ME3: variants seen among roughly 807,000 people sequenced by gnomAD.
The protein encoded by ME3 is malic enzyme 3, also known as NADP-dependent malic enzyme, mitochondrial.
ME3 carries 48 observed loss-of-function variants against 68.9 expected under a neutral mutation model. The observed-to-expected ratio is 0.70, with a 90% CI of 0.55 to 0.89. ME3 has a LOEUF of 0.89. Ranked by LOEUF, ME3 falls within the 40% of genes least tolerant of loss-of-function variation. The pLI, the probability that ME3 is intolerant of heterozygous loss-of-function variation, is 0.00. For missense variants in ME3, 675 were observed against 797.4 expected, an observed-to-expected ratio of 0.85 and a Z score of 1.85; for synonymous variants, 320 against 318.8, an observed-to-expected ratio of 1.00 and a Z score of -0.04.
chr11:86,566,348 G>A (rs368991638), intron 2 of ME3, among the ~76,000 whole-genome samples: 12 of 152,340 alleles, frequency 7.9e-5, no homozygotes, highest in African/African-American at 2.6e-4. Flanking sequence ...CCTCGATTAT[G>A]CTGTTGACAG....
chr11:86,447,240 G>A (rs1457382452), intron 11 of ME3, 33 bp from the exon 12 acceptor site: 3 of 1,608,748 alleles, frequency 1.9e-6, no homozygotes, highest in African/African-American at 2.7e-5. Context: ...GGGGATGCCT[G>A]CTCTCTATAA....
At chr11:86,572,329 C>T (rs576757012) in intron 2 of ME3, among the ~76,000 whole-genome samples, 6 of 151,716 alleles carry the variant, frequency 4.0e-5, no homozygotes, top group Non-Finnish European at 8.8e-5. Context: ...AGGTTAGTTA[C>T]ATAGGTATAC....
intron 4 of ME3, among the ~76,000 whole-genome samples, chr11:86,532,925 G>C (rs1173461710): frequency 6.6e-6 from 1 of 152,044 alleles, no homozygotes; most frequent in Non-Finnish European, 1.5e-5. Flanking sequence ...TGTTTCAGGC[G>C]ACTGTAATCC....
chr11:86,664,161 A>G (rs561363), intron 2 of ME3, among the ~76,000 whole-genome samples: 150,088 of 152,290 alleles, frequency 0.99, 73,986 homozygotes, highest in Non-Finnish European at 1. Flanking sequence ...AACAATTCCC[A>G]ACAGAAACTG....
At chr11:86,637,034 A>T (rs55894714) in intron 2 of ME3, among the ~76,000 whole-genome samples, 14,412 of 152,204 alleles carry the variant, frequency 0.095, 702 homozygotes, top group South Asian at 0.13. Context: ...TTCTTGAATC[A>T]ATGTAAAAAG....
intron 1 of ME3, 52 bp downstream of exon 1, chr11:86,672,272 A>G (rs984963527): frequency 2.1e-5 from 6 of 280,902 alleles, no homozygotes; most frequent in African/African-American, 1.3e-4. Context: ...GGGTCCCCGT[A>G]CCCCTAATCC....
At chr11:86,443,912 T>C (rs1376104348) in intron 13 of ME3, among the ~76,000 whole-genome samples, 2 of 152,150 alleles carry the variant, frequency 1.3e-5, no homozygotes, top group Non-Finnish European at 2.9e-5. Flanking sequence ...ATGGTGTCCA[T>C]ACAAGGCACT....
intron 6 of ME3, among the ~76,000 whole-genome samples, chr11:86,492,667 AGAACTTT>A (rs1952073358): frequency 1.3e-5 from 2 of 152,244 alleles, no homozygotes; most frequent in South Asian, 4.1e-4. Flanking sequence ...TGGGTGAAGC[AGAACTTT>A]CTCCTCTGCT....
intron 7 of ME3, among the ~76,000 whole-genome samples, chr11:86,486,141 T>C (rs1047828279): frequency 3.3e-5 from 5 of 152,180 alleles, no homozygotes; most frequent in Non-Finnish European, 7.4e-5. Context: ...TTTCTCCCTG[T>C]GGATGATTTT....
chr11:86,521,598 A>G (rs990592846), intron 4 of ME3, among the ~76,000 whole-genome samples: 12 of 152,126 alleles, frequency 7.9e-5, no homozygotes, highest in African/African-American at 2.9e-4. Context: ...AAAGGTATGA[A>G]TGTCACTGCC....
intron 4 of ME3, among the ~76,000 whole-genome samples, chr11:86,528,558 T>C (rs1954948975): frequency 1.3e-5 from 2 of 152,146 alleles, no homozygotes; most frequent in South Asian, 4.1e-4. Flanking sequence ...TATACATTCT[T>C]TTCAGCACCG....
chr11:86,452,035 G>A (rs1403446549), intron 8 of ME3, among the ~76,000 whole-genome samples: 3 of 152,194 alleles, frequency 2.0e-5, no homozygotes, highest in Admixed American at 1.3e-4. Context: ...GACTTAGCAA[G>A]CAAGACATTG....
intron 4 of ME3, among the ~76,000 whole-genome samples, chr11:86,541,216 T>C (rs145793349): frequency 0.012 from 1,857 of 152,236 alleles, 47 homozygotes; most frequent in African/African-American, 0.042. Context: ...GGGCAGCCAT[T>C]TGGGCAGACA....
intron 2 of ME3, among the ~76,000 whole-genome samples, chr11:86,607,473 T>A (rs926501144): frequency 6.4e-5 from 9 of 140,478 alleles, no homozygotes; most frequent in Non-Finnish European, 9.3e-5. Flanking sequence ...TTTTTTTTTT[T>A]AAACTTCAGG....
intron 2 of ME3, among the ~76,000 whole-genome samples, chr11:86,665,006 C>G (rs1197863461): frequency 6.6e-6 from 1 of 152,186 alleles, no homozygotes; most frequent in Non-Finnish European, 1.5e-5. Flanking sequence ...GATGAGGACA[C>G]TGGGCGATGA....
intron 2 of ME3, among the ~76,000 whole-genome samples, chr11:86,560,555 A>G (rs768814700): frequency 6.6e-5 from 10 of 151,970 alleles, no homozygotes; most frequent in Non-Finnish European, 1.3e-4. Flanking sequence ...TGTCCCGATT[A>G]TTAACATTTG....
At chr11:86,670,083 G>A (rs1946824619) in intron 2 of ME3, among the ~76,000 whole-genome samples, 1 of 152,176 alleles carries the variant, frequency 6.6e-6, no homozygotes, top group South Asian at 2.1e-4. Context: ...CCAGGGGTGG[G>A]CTCTGACCGG....
chr11:86,442,719 C>T lies in ME3; in HGVS notation c.1653+102G>A, dbSNP rs1949068209. 19 of 942,078 alleles carry T rather than the reference C, an allele frequency of 2.0e-5. No individual in the cohort carries two copies. The South Asian group carries it at 2.8e-4, about 14-fold the overall frequency. 58.4% of individuals were successfully genotyped at this position (942,078 alleles called of 1,614,324 possible). ...ACAGGTAGTGCAGCTCAAGGAGATCCAGTGTCTCCACAGTTTCCATCCCCT... is the reference window on the plus strand; with the variant it reads ...ACAGGTAGTGCAGCTCAAGGAGATCTAGTGTCTCCACAGTTTCCATCCCCT... On this transcript the variant is annotated intron_variant, in intron 14 of 14. Coordinates refer to ENST00000543262, the Ensembl canonical transcript of ME3.
chr11:86,456,326 T>G (rs1189875988), intron 8 of ME3, among the ~76,000 whole-genome samples: 1 of 152,188 alleles, frequency 6.6e-6, no homozygotes, highest in Non-Finnish European at 1.5e-5. Context: ...CCGCAGACAC[T>G]ACACTCTGGA....
Sources: allele counts gnomAD v4.1 joint callset (sites outside exome capture counted in the v4.1 genomes callset), GRCh38; gene constraint gnomAD v4.1.1; transcripts MANE v1.5; gene names NCBI Gene and HGNC (gene_info 2026-07-23, HGNC 2026-07-21).